Variants in FGD4 observed in about 807,000 individuals in gnomAD.
FGD4 encodes the protein FYVE, RhoGEF and PH domain-containing protein 4.
In FGD4, 42 loss-of-function variants were observed where a neutral mutation model predicts 102.0. The ratio of observed to expected loss-of-function variants is 0.41; its 90% confidence interval spans 0.32 to 0.53. FGD4 has a LOEUF of 0.53. Among genes scored for constraint, FGD4 ranks in the 20% least tolerant of loss-of-function variants. The probability of loss-of-function intolerance (pLI) is 0.21; values close to 1 mark genes in which losing one functional copy is unlikely to be tolerated. For synonymous variants in FGD4, 380 were observed against 375.7 expected (o/e 1.01, Z -0.13); for missense variants, 902 against 1,078.2 (o/e 0.84, Z 2.29).
At chr12:32,419,526 A>G (rs325419) in intron 1 of FGD4, among the ~76,000 whole-genome samples, 80,709 of 151,616 alleles carry the variant, frequency 0.53, 22,166 homozygotes, top group African/African-American at 0.68. Flanking sequence ...ACTGCTGGGG[A>G]TGGGGGAGGC....
chr12:32,633,441 C>A, intron 14 of FGD4, 108 bp from the exon 15 acceptor site: 1 of 1,212,966 alleles, frequency 8.2e-7, no homozygotes, highest in East Asian at 2.6e-5. Flanking sequence ...TAACAAAAAT[C>A]TGCCTTCTAT....
chr12:32,423,539 C>T (rs1339972109), intron 1 of FGD4, among the ~76,000 whole-genome samples: 1 of 149,488 alleles, frequency 6.7e-6, no homozygotes, highest in Non-Finnish European at 1.5e-5. Flanking sequence ...TTGCAGTGAG[C>T]CGAGATCACG....
rs1164589670 is a variant in FGD4, at chr12:32,643,871, T to C, written c.*3338T>C. Reference sequence around the variant, plus strand: ...GTGGTTGCTTTTATTTGTTTTCTGGTTATATTCAAAGCCTTAAGTTCTTAA... The same window carrying C: ...GTGGTTGCTTTTATTTGTTTTCTGGCTATATTCAAAGCCTTAAGTTCTTAA... On this transcript the variant is annotated 3_prime_UTR_variant, in exon 17 of 17. Transcript: ENST00000534526. 1.3e-5 allele frequency: 2 copies of C among 152,108 alleles called. No homozygotes were observed. The highest frequency in any genetic ancestry group is 2.9e-5 in the Non-Finnish European group (2 of 67,952). The allele number at this position is 152,108 out of a possible 1,614,324, so 9.4% of individuals were successfully genotyped here.
rs542547873 is a variant in FGD4, at chr12:32,472,201, G to T, written c.166+72242G>T. The stretch of plus-strand genomic sequence containing the variant: ...CTCCCACTTTGGTGGCATTTGAGGA[G>T]CCCTTCAGCCCCCCACTGCACTGTG... On this transcript the variant is annotated intron_variant, in intron 1 of 16. Transcript: ENST00000534526. 1.3e-4 allele frequency among the ~76,000 whole-genome samples: 20 copies of T among 152,340 alleles called. No homozygotes were observed. In the South Asian group the frequency reaches 3.3e-3, roughly 25 times the overall value.
At chr12:32,585,222 T>TTATACATA (rs1946911495) in intron 4 of FGD4, among the ~76,000 whole-genome samples, 1 of 116,142 alleles carries the variant, frequency 8.6e-6, no homozygotes, top group South Asian at 2.9e-4. Context: ...CTCAAAAATT[T>TTATACATA]TATATATATA....
At chr12:32,471,514 T>C (rs1943413976) in intron 1 of FGD4, among the ~76,000 whole-genome samples, 1 of 152,196 alleles carries the variant, frequency 6.6e-6, no homozygotes, top group Non-Finnish European at 1.5e-5. Flanking sequence ...AAAGAAAAGG[T>C]TTATTCCACA....
intron 1 of FGD4, among the ~76,000 whole-genome samples, chr12:32,427,254 G>C (rs1159951217): frequency 6.6e-6 from 1 of 152,080 alleles, no homozygotes; most frequent in Non-Finnish European, 1.5e-5. Flanking sequence ...CAGAGATTCT[G>C]GTACGTTGTT....
chr12:32,553,870 T>C (rs1943891939), intron 1 of FGD4, among the ~76,000 whole-genome samples: 1 of 152,184 alleles, frequency 6.6e-6, no homozygotes, highest in Admixed American at 6.5e-5. Flanking sequence ...TTTGGGAGGC[T>C]GAGGCAGGAG....
At chr12:32,588,562 C>T (rs1192369562) in intron 4 of FGD4, among the ~76,000 whole-genome samples, 2 of 151,878 alleles carry the variant, frequency 1.3e-5, no homozygotes, top group African/African-American at 4.8e-5. Context: ...AGTCCTCTGC[C>T]AAGACCAGCA....
intron 1 of FGD4, among the ~76,000 whole-genome samples, chr12:32,549,194 A>G (rs1049645025): frequency 6.6e-6 from 1 of 152,206 alleles, no homozygotes; most frequent in Non-Finnish European, 1.5e-5. Flanking sequence ...TGAAGCTTTA[A>G]AATTGGGCAA....
chr12:32,421,922 T>G (rs573000890), intron 1 of FGD4, among the ~76,000 whole-genome samples: 1 of 151,902 alleles, frequency 6.6e-6, no homozygotes, highest in East Asian at 1.9e-4. Context: ...AGGCGGATCA[T>G]GAGGTCAGGA....
chr12:32,538,167 G>A (rs1942468989), intron 1 of FGD4, among the ~76,000 whole-genome samples: 2 of 152,172 alleles, frequency 1.3e-5, no homozygotes, highest in South Asian at 4.1e-4. Flanking sequence ...CAAAATGCTG[G>A]GATTACAGGT....
chr12:32,624,637 A>T, intron 12 of FGD4, 185 bp downstream of exon 12: 5 of 615,044 alleles, frequency 8.1e-6, no homozygotes, highest in Non-Finnish European at 1.5e-5. Context: ...TGTCTGGTTA[A>T]TTTTTTTTTT....
At chr12:32,603,001 C>T (rs1948524945) in intron 7 of FGD4, among the ~76,000 whole-genome samples, 1 of 152,066 alleles carries the variant, frequency 6.6e-6, no homozygotes, top group Non-Finnish European at 1.5e-5. Context: ...TTATAGTATG[C>T]ATCTTAATTT....
chr12:32,435,294 A>G (rs1565738607), intron 1 of FGD4, among the ~76,000 whole-genome samples: 1 of 152,162 alleles, frequency 6.6e-6, no homozygotes, highest in African/African-American at 2.4e-5. Flanking sequence ...GATCTAGCTC[A>G]GGAGTTAGAC....
intron 4 of FGD4, among the ~76,000 whole-genome samples, chr12:32,593,475 G>C (rs4931021): frequency 0.39 from 58,599 of 151,866 alleles, 12,231 homozygotes; most frequent in African/African-American, 0.55. Flanking sequence ...TGTAGAAGGT[G>C]GTCTGTGTGG....
At chr12:32,577,715 T>C (rs1421668066) in intron 3 of FGD4, among the ~76,000 whole-genome samples, 1 of 152,204 alleles carries the variant, frequency 6.6e-6, no homozygotes, top group African/African-American at 2.4e-5. Context: ...TGAATTACAG[T>C]GATATTTACT....
At chr12:32,587,091 G>A (rs1014019168) in intron 4 of FGD4, among the ~76,000 whole-genome samples, 11 of 150,842 alleles carry the variant, frequency 7.3e-5, no homozygotes, top group African/African-American at 2.7e-4. Flanking sequence ...CTAGCAGGCT[G>A]AGGCAGGCGA....
chr12:32,444,092 A>C (rs1372887259), intron 1 of FGD4, among the ~76,000 whole-genome samples: 2 of 143,582 alleles, frequency 1.4e-5, no homozygotes, highest in African/African-American at 5.2e-5. Context: ...TGGTGCCATC[A>C]TGGCTCACTG....
Sources: allele counts gnomAD v4.1 joint callset (sites outside exome capture counted in the v4.1 genomes callset), GRCh38; gene constraint gnomAD v4.1.1; transcripts MANE v1.5; gene names NCBI Gene and HGNC (gene_info 2026-07-23, HGNC 2026-07-21).